Variants in ZNF638 observed in about 807,000 individuals in gnomAD.
ZNF638 encodes CTCL tumor antigen se33-1.
A neutral mutation model predicts 195.6 loss-of-function variants in ZNF638; 46 were observed. The observed-to-expected ratio is 0.24, with a 90% CI of 0.19 to 0.30. ZNF638 has a LOEUF of 0.30. ZNF638 is among the 10% of genes least tolerant of loss of function. The pLI, the probability that ZNF638 is intolerant of heterozygous loss-of-function variation, is 1.00. For synonymous variants in ZNF638, 845 were observed against 772.0 expected (o/e 1.09, Z -1.57); for missense variants, 2,440 against 2,325.3 (o/e 1.05, Z -1.01).
rs781245844 is a variant in ZNF638 at position 71,427,288 on chromosome 2, G to T, written c.5419G>T (p.Gly1807Trp). 1 of 1,613,460 alleles carries T rather than the reference G, an allele frequency of 6.2e-7. No individual in the cohort carries two copies. Among genetic ancestry groups the T allele is most frequent in the African/African-American group, 1.3e-5 (1 of 74,866 alleles). Residue 1807 changes from glycine (G) to tryptophan (W), a missense_variant, in exon 24 of 28, where the codon GGG becomes TGG. This residue lies in a region of ZNF638 where 1,883 missense variants were observed against 1,739.1 expected (regional missense o/e 1.08). Transcript: ENST00000264447. The part of the protein sequence containing the change: ...SKNDHPTDKK[G>W]NRKKRAVDTK... The stretch of plus-strand genomic sequence containing the variant: ...AAATGACCATCCCACAGATAAAAAA[G>T]GGAATAGAAAGAAGAGAGCTGTGGA...
rs1363958190 is a variant in ZNF638 at position 71,349,812 on chromosome 2, A to T, written c.858A>T (p.Ser286=). The T allele has an allele frequency of 1.9e-6, 3 of 1,614,018 alleles. No homozygotes were observed. The highest frequency in any genetic ancestry group is 1.7e-6 in the Non-Finnish European group (2 of 1,180,028). ...CCTCCAATAATCGGTCCTTTTTCTC[A>T]GTTGAGAGTGGAACCAAGATGTCAG... is the stretch of plus-strand genomic sequence containing the variant. ...GESSNNRSFF[S]VESGTKMSGL... The change falls in exon 2 of 28, where the codon TCA becomes TCT. Residue 286 remains serine, a synonymous_variant. Transcript: ENST00000264447.
Position 71,399,659 on chromosome 2 carries a change from G to T in ZNF638, c.2587+14G>T. ...TGACTATACCAGGTAAGCTTGAAAT[G>T]TGGTCATTCAGTGCTTTGTTTTCTT... On this transcript the variant is annotated intron_variant, in intron 13 of 27. Transcript: ENST00000264447. The T allele has an allele frequency of 3.1e-6, 5 of 1,594,130 alleles. No individual in the cohort carries two copies. The highest frequency in any genetic ancestry group is 4.3e-6 in the Non-Finnish European group (5 of 1,168,682).
At position 71,349,523 on chromosome 2, in the gene ZNF638, C is replaced by T; in HGVS notation, c.569C>T (p.Pro190Leu). The change falls in exon 2 of 28, where the codon CCT becomes CTT. Residue 190 changes from proline (P) to leucine (L), a missense_variant. Pro to Leu is a moderately conservative substitution (Grantham distance 98, BLOSUM62 -3). Transcript: ENST00000264447. Reference sequence around the variant, plus strand: ...ATGGGGCGCCGATTACCTAATTTACCTTCTCAGAGCAGAAATAAAGAAACA... The same window carrying T: ...ATGGGGCGCCGATTACCTAATTTACTTTCTCAGAGCAGAAATAAAGAAACA... ...RKMGRRLPNL[P>L]SQSRNKETLG... is the part of the protein sequence containing the mutation. 1 of 1,614,104 alleles carries T rather than the reference C, an allele frequency of 6.2e-7. No homozygotes were observed. Among genetic ancestry groups the T allele is most frequent in the Non-Finnish European group, 8.5e-7 (1 of 1,180,012 alleles).
chr2:71,336,646 T>C (rs2078676257), intron 1 of ZNF638, among the ~76,000 whole-genome samples: 1 of 152,214 alleles, frequency 6.6e-6, no homozygotes, highest in Non-Finnish European at 1.5e-5. Context: ...ATGGGTACTG[T>C]TGTTTCATTT....
chr2:71,409,814 C>T (rs2152585973), intron 20 of ZNF638, among the ~76,000 whole-genome samples: 1 of 152,302 alleles, frequency 6.6e-6, no homozygotes, highest in East Asian at 1.9e-4. Context: ...CAATTATATA[C>T]ACCTTTGGTT....
At chr2:71,339,145 T>C (rs2078720206) in intron 1 of ZNF638, among the ~76,000 whole-genome samples, 2 of 115,710 alleles carry the variant, frequency 1.7e-5, no homozygotes, top group Non-Finnish European at 3.4e-5. Flanking sequence ...ATTTAGTCGG[T>C]TTAGGTTTTT....
At chr2:71,410,017 A>G (rs553252936) in intron 20 of ZNF638, among the ~76,000 whole-genome samples, 5 of 152,148 alleles carry the variant, frequency 3.3e-5, no homozygotes, top group Admixed American at 3.3e-4. Flanking sequence ...TCATTGATTG[A>G]TTGTCTAGAT....
At position 71,373,011 on chromosome 2, in the gene ZNF638, G is replaced by GT. The variant is rs1160343290; in HGVS notation, c.2265+3012dup. On this transcript the variant is annotated intron_variant, in intron 8 of 27. Coordinates refer to ENST00000264447, the MANE Select transcript of ZNF638 (RefSeq NM_014497.5). ...CCATCTTTTGACATTTATGATAGTG[G>GT]TTTTTTAGGTGATACCTACCCAATG... Among the ~76,000 whole-genome samples, 4 of 152,238 alleles carry GT rather than the reference G, an allele frequency of 2.6e-5. No individual in the cohort carries two copies. The South Asian group carries it at 6.2e-4, about 24-fold the overall frequency.
At chr2:71,355,295 A>G (rs959314867) in intron 2 of ZNF638, among the ~76,000 whole-genome samples, 7 of 152,120 alleles carry the variant, frequency 4.6e-5, no homozygotes, top group Non-Finnish European at 1.0e-4. Context: ...TGAATTTTAG[A>G]GGTATTTGTC....
intron 16 of ZNF638, among the ~76,000 whole-genome samples, chr2:71,402,475 G>C (rs913924587): frequency 6.6e-6 from 1 of 152,036 alleles, no homozygotes; most frequent in Non-Finnish European, 1.5e-5. Context: ...ACTTACACCA[G>C]CAGCCTTTAT....
intron 8 of ZNF638, among the ~76,000 whole-genome samples, chr2:71,374,273 G>A (rs969220471): frequency 4.6e-5 from 7 of 152,168 alleles, no homozygotes; most frequent in African/African-American, 7.2e-5. Flanking sequence ...CACTATTTAT[G>A]CCTAATTTAT....
intron 1 of ZNF638, among the ~76,000 whole-genome samples, chr2:71,335,472 C>T (rs1276927442): frequency 6.6e-6 from 1 of 151,924 alleles, no homozygotes; most frequent in Non-Finnish European, 1.5e-5. Context: ...GTCGGTTAAA[C>T]TTTTAGCTAA....
intron 18 of ZNF638, 105 bp from the exon 19 acceptor site, chr2:71,406,023 A>G: frequency 3.0e-6 from 4 of 1,338,260 alleles, no homozygotes; most frequent in Non-Finnish European, 4.1e-6. Flanking sequence ...TACTCTTGGG[A>G]GAGAACATCA....
At chr2:71,366,488 A>G (rs78921625) in intron 6 of ZNF638, among the ~76,000 whole-genome samples, 3,384 of 152,244 alleles carry the variant, frequency 0.022, 50 homozygotes, top group African/African-American at 0.042. Flanking sequence ...GAGTATAATA[A>G]AAGTCCAAGG....
intron 21 of ZNF638, among the ~76,000 whole-genome samples, chr2:71,420,188 G>A (rs1356916048): frequency 6.6e-6 from 1 of 151,582 alleles, no homozygotes; most frequent in Non-Finnish European, 1.5e-5. Context: ...TCAGCTTCCT[G>A]TGTAGCTGGT....
In ZNF638 at chr2:71,423,984, T is replaced by A; in HGVS notation, c.4470T>A (p.Ser1490=). Reference sequence around the variant, plus strand: ...ATTACAGAGATATAACAAAACAATCTCAGGAAACAGAGGCTAGACCTTCCA... The same window carrying A: ...ATTACAGAGATATAACAAAACAATCACAGGAAACAGAGGCTAGACCTTCCA... ...KLDYRDITKQ[S]QETEARPSIM... The change falls in exon 22 of 28, where the codon TCT becomes TCA. Residue 1490 remains serine, a synonymous_variant. Transcript: ENST00000264447. The A allele has an allele frequency of 6.2e-7, 1 of 1,613,912 alleles. No homozygotes were observed. Among genetic ancestry groups the A allele is most frequent in the Non-Finnish European group, 8.5e-7 (1 of 1,179,964 alleles).
At position 71,365,909 on chromosome 2, in the gene ZNF638, G is replaced by C. The variant is rs142910774; in HGVS notation, c.1995+203G>C. Among the ~76,000 whole-genome samples, 582 of 152,190 alleles carry C rather than the reference G, an allele frequency of 3.8e-3. 7 individuals are homozygous for C. Among genetic ancestry groups the C allele is most frequent in the African/African-American group, 0.013 (527 of 41,522 alleles). ...TAATTTTTTAATTTTTGTAGAGATG[G>C]GGTCTTGCCATGTTGCTCAGGCTGG... On this transcript the variant is annotated intron_variant, in intron 6 of 27. Coordinates refer to ENST00000264447, the MANE Select transcript of ZNF638 (RefSeq NM_014497.5).
chr2:71,350,283 TA>T lies in ZNF638; in HGVS notation c.1317+19del. ...GTAGTCATTTGAAGGTGAGTGTTTT[TA>T]AAAAAAGATCACTGTATAATGATGC... On this transcript the variant is annotated intron_variant, in intron 2 of 27. Coordinates refer to ENST00000264447, the MANE Select transcript of ZNF638 (RefSeq NM_014497.5). 1.3e-6 allele frequency: 2 copies of T among 1,591,806 alleles called. No homozygotes were observed. Among genetic ancestry groups the T allele is most frequent in the South Asian group, 2.2e-5 (2 of 90,304 alleles).
intron 1 of ZNF638, 116 bp downstream of exon 1, chr2:71,331,991 T>A: frequency 1.1e-6 from 1 of 884,430 alleles, no homozygotes; most frequent in Non-Finnish European, 1.4e-6. Context: ...TCGCAGCGGC[T>A]CCGCACAAAA....
Sources: allele counts gnomAD v4.1 joint callset (sites outside exome capture counted in the v4.1 genomes callset), GRCh38; gene constraint gnomAD v4.1.1; regional missense constraint gnomAD v4.1.1; transcripts MANE v1.5; gene names NCBI Gene and HGNC (gene_info 2026-07-23, HGNC 2026-07-21).